INPP4B: variants seen among roughly 807,000 people sequenced by gnomAD.
The protein encoded by INPP4B is inositol polyphosphate-4-phosphatase type II B, also known as inositol polyphosphate 4-phosphatase type II.
Under a neutral mutation model 122.5 loss-of-function variants are expected in INPP4B, and 55 were observed. The observed-to-expected ratio is 0.45, with a 90% CI of 0.36 to 0.56. The LOEUF (loss-of-function observed/expected upper bound fraction) is 0.56, where lower values mean the gene tolerates loss of function less well. INPP4B is among the 20% of genes least tolerant of loss of function. The pLI is 0.00. For synonymous variants in INPP4B, 403 were observed against 388.7 expected (o/e 1.04, Z -0.43); for missense variants, 1,000 against 1,097.7 (o/e 0.91, Z 1.26).
intron 2 of INPP4B, among the ~76,000 whole-genome samples, chr4:142,631,330 T>C (rs1228952226): frequency 1.3e-5 from 2 of 151,944 alleles, no homozygotes; most frequent in African/African-American, 4.8e-5. Context: ...AAAAGCAAAA[T>C]AGCAACAGTT....
chr4:142,287,316 T>C (rs1754193885), intron 9 of INPP4B: 1 of 152,232 alleles, frequency 6.6e-6, no homozygotes, highest in Non-Finnish European at 1.5e-5. Flanking sequence ...AAAAAGTTTA[T>C]TTTAAGTGGT....
At chr4:142,278,070 T>A (rs1749464954) in intron 9 of INPP4B, among the ~76,000 whole-genome samples, 1 of 151,744 alleles carries the variant, frequency 6.6e-6, no homozygotes, top group African/African-American at 2.4e-5. Context: ...ATAATAATAA[T>A]AAATGGATGG....
At chr4:142,059,804 C>T (rs566963777) in intron 25 of INPP4B, among the ~76,000 whole-genome samples, 8 of 152,272 alleles carry the variant, frequency 5.3e-5, no homozygotes, top group African/African-American at 1.9e-4. Flanking sequence ...ATATAGCTAG[C>T]TCAGGACTGA....
intron 7 of INPP4B, among the ~76,000 whole-genome samples, chr4:142,327,793 T>TA (rs1391289360): frequency 2.6e-5 from 4 of 152,180 alleles, no homozygotes; most frequent in African/African-American, 9.7e-5. Context: ...GCTCAACCTT[T>TA]AACTTTCAAC....
chr4:142,790,367 G>GA (rs1012852443), intron 1 of INPP4B, among the ~76,000 whole-genome samples: 4 of 151,066 alleles, frequency 2.6e-5, no homozygotes, highest in Non-Finnish European at 4.4e-5. Flanking sequence ...AAATTAGCAA[G>GA]AAAAAAAACA....
chr4:142,286,457 G>A (rs1753742811), intron 9 of INPP4B, among the ~76,000 whole-genome samples: 1 of 152,176 alleles, frequency 6.6e-6, no homozygotes, highest in Non-Finnish European at 1.5e-5. Context: ...CAATTCCAGA[G>A]AGATTGCTGT....
chr4:142,668,299 A>G (rs183190307), intron 2 of INPP4B, among the ~76,000 whole-genome samples: 18 of 152,342 alleles, frequency 1.2e-4, no homozygotes, highest in African/African-American at 4.1e-4. Context: ...TATTTTAAAA[A>G]TCCAACTTCC....
At chr4:142,150,945 T>C (rs1368307366) in intron 17 of INPP4B, among the ~76,000 whole-genome samples, 8 of 152,216 alleles carry the variant, frequency 5.3e-5, no homozygotes, top group African/African-American at 9.7e-5. Flanking sequence ...AGAGCTGATA[T>C]AGATGTACAA....
intron 15 of INPP4B, among the ~76,000 whole-genome samples, chr4:142,185,619 C>A (rs1298909937): frequency 6.6e-6 from 1 of 151,846 alleles, no homozygotes; most frequent in African/African-American, 2.4e-5. Flanking sequence ...GTGGCTCATG[C>A]CGGTAATCCT....
chr4:142,064,668 G>T (rs116759800), intron 25 of INPP4B, among the ~76,000 whole-genome samples: 228 of 151,880 alleles, frequency 1.5e-3, no homozygotes, highest in African/African-American at 5.2e-3. Context: ...GCTCTAATAT[G>T]TCTTTTTCTC....
intron 18 of INPP4B, among the ~76,000 whole-genome samples, chr4:142,135,689 A>C (rs1803733780): frequency 6.6e-6 from 1 of 152,186 alleles, no homozygotes; most frequent in Admixed American, 6.5e-5. Flanking sequence ...AAAAATAAAA[A>C]CAGGAGGACC....
At chr4:142,140,371 T>C (rs189011592) in intron 18 of INPP4B, among the ~76,000 whole-genome samples, 1 of 152,176 alleles carries the variant, frequency 6.6e-6, no homozygotes, top group African/African-American at 2.4e-5. Flanking sequence ...TGGAGAAATA[T>C]AGGCCATGCA....
intron 5 of INPP4B, among the ~76,000 whole-genome samples, chr4:142,416,727 GT>G (rs1805849274): frequency 6.6e-6 from 1 of 152,076 alleles, no homozygotes; most frequent in East Asian, 1.9e-4. Context: ...GATAACTCCA[GT>G]TTCGCTTCAG....
At chr4:142,194,786 T>C (rs1168473568) in intron 14 of INPP4B, among the ~76,000 whole-genome samples, 1 of 152,222 alleles carries the variant, frequency 6.6e-6, no homozygotes, top group Non-Finnish European at 1.5e-5. Flanking sequence ...AACTTCTCTA[T>C]GTCTCAGTTT....
chr4:142,536,496 A>G (rs1580312740), intron 2 of INPP4B, among the ~76,000 whole-genome samples: 2 of 152,190 alleles, frequency 1.3e-5, no homozygotes, highest in African/African-American at 4.8e-5. Context: ...TCTTTCTACA[A>G]TTTAGGATTT....
At chr4:142,568,843 G>T (rs775678426) in intron 2 of INPP4B, among the ~76,000 whole-genome samples, 16 of 152,060 alleles carry the variant, frequency 1.1e-4, no homozygotes, top group Non-Finnish European at 4.4e-5. Context: ...TTCTCAGTAG[G>T]TGATAATTTA....
In INPP4B at chr4:142,720,257, C is replaced by T. The variant is rs1254404893; in HGVS notation, c.-191+5582G>A. Among the ~76,000 whole-genome samples, 6 of 152,154 alleles carry T rather than the reference C, an allele frequency of 3.9e-5. No homozygotes were observed. In the East Asian group the frequency reaches 1.2e-3, roughly 29 times the overall value. On this transcript the variant is annotated intron_variant, in intron 2 of 25. Transcript: ENST00000262992. Reference sequence around the variant, plus strand: ...AGTTCTTAAACTTTCAAATTAAGTACCTACTATTCTCAGGTAAGATGTTCT... The same window carrying T: ...AGTTCTTAAACTTTCAAATTAAGTATCTACTATTCTCAGGTAAGATGTTCT...
chr4:142,242,258 C>T (rs1859792559), intron 11 of INPP4B, among the ~76,000 whole-genome samples: 1 of 152,068 alleles, frequency 6.6e-6, no homozygotes, highest in Non-Finnish European at 1.5e-5. Flanking sequence ...AAACACTATC[C>T]TTAGCATGGC....
intron 17 of INPP4B, among the ~76,000 whole-genome samples, chr4:142,153,449 T>C (rs1000079894): frequency 6.6e-6 from 1 of 152,198 alleles, no homozygotes; most frequent in Non-Finnish European, 1.5e-5. Context: ...GATTTGAATG[T>C]AATAATACAT....
Sources: allele counts gnomAD v4.1 joint callset (sites outside exome capture counted in the v4.1 genomes callset), GRCh38; gene constraint gnomAD v4.1.1; transcripts MANE v1.5; gene names NCBI Gene and HGNC (gene_info 2026-07-23, HGNC 2026-07-21).